SH3PXD2A: variants seen among roughly 807,000 people sequenced by gnomAD.
SH3PXD2A encodes SH3 and PX domains 2A, also known as SH3 and PX domain-containing protein 2A.
SH3PXD2A carries 32 observed loss-of-function variants against 115.2 expected under a neutral mutation model. The observed-to-expected ratio is 0.28, with a 90% CI of 0.21 to 0.37. SH3PXD2A has a LOEUF of 0.37. Ranked by LOEUF, SH3PXD2A falls within the 10% of genes least tolerant of loss-of-function variation. The pLI, the probability that SH3PXD2A is intolerant of heterozygous loss-of-function variation, is 1.00. For synonymous variants in SH3PXD2A, 610 were observed against 629.1 expected, an observed-to-expected ratio of 0.97 and a Z score of 0.45; for missense variants, 1,328 against 1,498.7, an observed-to-expected ratio of 0.89 and a Z score of 1.88.
At chr10:103,771,652 T>G (rs571668144) in intron 2 of SH3PXD2A, among the ~76,000 whole-genome samples, 6 of 151,838 alleles carry the variant, frequency 4.0e-5, no homozygotes, top group African/African-American at 1.4e-4. Context: ...GGAGAATCGC[T>G]TGAACCTCGG....
chr10:103,612,773 C>A, intron 12 of SH3PXD2A, 80 bp downstream of exon 12: 2 of 981,766 alleles, frequency 2.0e-6, no homozygotes, highest in East Asian at 2.7e-5. Flanking sequence ...GTCCTGTGCA[C>A]CCCCCTGGCT....
chr10:103,789,849 CT>C (rs1371471083), intron 2 of SH3PXD2A, among the ~76,000 whole-genome samples: 1 of 152,192 alleles, frequency 6.6e-6, no homozygotes, highest in East Asian at 1.9e-4. Context: ...GTGTGCAGCT[CT>C]GAACAGTCAT....
intron 5 of SH3PXD2A, among the ~76,000 whole-genome samples, chr10:103,698,832 A>G (rs1179784465): frequency 2.0e-5 from 3 of 152,058 alleles, no homozygotes; most frequent in Non-Finnish European, 4.4e-5. Flanking sequence ...TGGGGGCTAC[A>G]GAACATCCCA....
intron 3 of SH3PXD2A, among the ~76,000 whole-genome samples, chr10:103,759,476 G>A (rs1012866403): frequency 3.3e-5 from 5 of 152,196 alleles, no homozygotes; most frequent in African/African-American, 9.7e-5. Context: ...AGGGCTTTCT[G>A]GAAGCCCAGA....
chr10:103,802,966 A>C (rs1368235570), intron 1 of SH3PXD2A, among the ~76,000 whole-genome samples: 2 of 152,208 alleles, frequency 1.3e-5, no homozygotes, highest in Non-Finnish European at 2.9e-5. Flanking sequence ...AACGTTAGCA[A>C]AGAGAAGTGG....
intron 8 of SH3PXD2A, among the ~76,000 whole-genome samples, chr10:103,639,536 G>A (rs1010705617): frequency 5.9e-5 from 9 of 151,610 alleles, no homozygotes; most frequent in Non-Finnish European, 1.0e-4. Flanking sequence ...CTTGAACCTG[G>A]GAAGCGGAGG....
chr10:103,642,653 A>T (rs1484447280), intron 8 of SH3PXD2A, among the ~76,000 whole-genome samples: 2 of 152,176 alleles, frequency 1.3e-5, no homozygotes, highest in African/African-American at 4.8e-5. Flanking sequence ...TGTTGTGGGG[A>T]GAAAAAGAAA....
intron 8 of SH3PXD2A, among the ~76,000 whole-genome samples, chr10:103,643,619 C>G (rs550904076): frequency 5.2e-4 from 79 of 152,306 alleles, no homozygotes; most frequent in African/African-American, 1.8e-3. Context: ...CAGCCAGCGT[C>G]TGACAGATGT....
intron 2 of SH3PXD2A, among the ~76,000 whole-genome samples, chr10:103,773,874 GA>G (rs2038854480): frequency 6.6e-6 from 1 of 152,168 alleles, no homozygotes; most frequent in African/African-American, 2.4e-5. Flanking sequence ...GAGTAGCTGG[GA>G]TTACAGGTGT....
chr10:103,820,002 A>T (rs995802014), intron 1 of SH3PXD2A, among the ~76,000 whole-genome samples: 2 of 152,182 alleles, frequency 1.3e-5, no homozygotes, highest in African/African-American at 4.8e-5. Flanking sequence ...GGAGGGGCAC[A>T]GGGTGCTTCA....
chr10:103,651,584 T>C (rs1446188411), intron 8 of SH3PXD2A, among the ~76,000 whole-genome samples: 2 of 152,256 alleles, frequency 1.3e-5, no homozygotes, highest in Non-Finnish European at 2.9e-5. Context: ...ACCTCCCAGC[T>C]GTGCAACCTT....
At chr10:103,825,288 CAT>C (rs2039419668) in intron 1 of SH3PXD2A, among the ~76,000 whole-genome samples, 3 of 152,152 alleles carry the variant, frequency 2.0e-5, no homozygotes, top group Non-Finnish European at 4.4e-5. Context: ...CCGCTGATTT[CAT>C]CAGCGCCCAT....
intron 4 of SH3PXD2A, among the ~76,000 whole-genome samples, chr10:103,730,852 G>T (rs377125338): frequency 6.6e-6 from 1 of 152,198 alleles, no homozygotes; most frequent in East Asian, 1.9e-4. Context: ...CACAGAGTCG[G>T]GGTGGGCGCA....
chr10:103,828,661 A>C (rs1272981971), intron 1 of SH3PXD2A, among the ~76,000 whole-genome samples: 1 of 152,198 alleles, frequency 6.6e-6, no homozygotes, highest in Non-Finnish European at 1.5e-5. Flanking sequence ...TCCCAAGGGC[A>C]GGGCCTCTGC....
At chr10:103,841,149 C>T (rs1156765026) in intron 1 of SH3PXD2A, among the ~76,000 whole-genome samples, 2 of 152,138 alleles carry the variant, frequency 1.3e-5, no homozygotes, top group Non-Finnish European at 2.9e-5. Context: ...GGGGAAGGGG[C>T]TTTAGTAGAA....
rs556209599 is a variant in SH3PXD2A at position 103,602,101 on chromosome 10, C to A, written c.3117G>T (p.Gln1039His). ...CGGGCAGTAGGGGTGAGTCTGAACC[C>A]TGGCTGGCAGCCCGTTCGGCCAGGC... ...KGRLAERAAS[Q>H]GSDSPLLPAQ... Residue 1039 changes from glutamine to histidine, a missense_variant, in exon 15 of 15, where the codon CAG becomes CAT. Gln to His is a conservative substitution (Grantham distance 24). This residue lies in a region of SH3PXD2A where 574 missense variants were observed against 565.7 expected (regional missense o/e 1.01). Coordinates refer to ENST00000369774, the MANE Select transcript of SH3PXD2A (RefSeq NM_001394015.1). 8 of 1,592,368 alleles carry A rather than the reference C, an allele frequency of 5.0e-6. No individual in the cohort carries two copies. In the South Asian group the frequency reaches 9.1e-5, roughly 18 times the overall value.
intron 5 of SH3PXD2A, among the ~76,000 whole-genome samples, chr10:103,702,498 C>T (rs779339927): frequency 6.6e-6 from 1 of 152,006 alleles, no homozygotes; most frequent in Non-Finnish European, 1.5e-5. Context: ...AAGATGAAGA[C>T]TGTTTAAAAA....
chr10:103,849,332 C>T (rs1842876795), intron 1 of SH3PXD2A, among the ~76,000 whole-genome samples: 1 of 152,244 alleles, frequency 6.6e-6, no homozygotes, highest in African/African-American at 2.4e-5. Flanking sequence ...AAAACACCTA[C>T]CTAACCGCAT....
intron 6 of SH3PXD2A, among the ~76,000 whole-genome samples, chr10:103,679,157 C>T (rs544055861): frequency 3.3e-5 from 5 of 152,306 alleles, no homozygotes; most frequent in South Asian, 2.1e-4. Flanking sequence ...CCCTACATGG[C>T]GTGGCCCCAG....
Sources: gnomAD v4.1 joint callset for allele counts (sites outside exome capture counted in the v4.1 genomes callset) on GRCh38, gnomAD v4.1.1 for gene constraint, gnomAD v4.1.1 regional missense constraint, MANE v1.5 for transcripts, NCBI Gene and HGNC (gene_info 2026-07-23, HGNC 2026-07-21) for gene names.